Variants in VAV3 observed in about 807,000 individuals in gnomAD.
VAV3 encodes vav guanine nucleotide exchange factor 3.
Under a neutral mutation model 131.2 loss-of-function variants are expected in VAV3, and 94 were observed. That is an observed-to-expected ratio of 0.72 (90% CI 0.61 to 0.85). The LOEUF is 0.85. Ranked by LOEUF, VAV3 falls within the 40% of genes least tolerant of loss-of-function variation. The pLI is 0.00. For missense variants in VAV3, 939 were observed against 1,002.7 expected (o/e 0.94, Z 0.86); for synonymous variants, 349 against 342.0 (o/e 1.02, Z -0.22).
chr1:107,896,618 C>G (rs1409460100), intron 1 of VAV3, among the ~76,000 whole-genome samples: 2 of 152,122 alleles, frequency 1.3e-5, no homozygotes, highest in Admixed American at 1.3e-4. Context: ...AATCGCAACC[C>G]AAGCCTCATG....
intron 20 of VAV3, among the ~76,000 whole-genome samples, chr1:107,623,886 G>A (rs1302309827): frequency 6.6e-6 from 1 of 152,160 alleles, no homozygotes; most frequent in Non-Finnish European, 1.5e-5. Context: ...TAGTTCTCTT[G>A]TAAAGTGGCT....
At chr1:107,637,319 AT>A (rs561268548) in intron 20 of VAV3, among the ~76,000 whole-genome samples, 282 of 148,600 alleles carry the variant, frequency 1.9e-3, no homozygotes, top group African/African-American at 3.8e-3. Flanking sequence ...TTGTTTTATA[AT>A]TTTTTTTTTT....
intron 2 of VAV3, among the ~76,000 whole-genome samples, chr1:107,843,179 C>G (rs1423160100): frequency 6.6e-6 from 1 of 151,924 alleles, no homozygotes; most frequent in African/African-American, 2.4e-5. Context: ...GGCATTATAA[C>G]TGACAGCTCT....
chr1:107,843,537 G>GTATATATATATATT (rs1668823670), intron 2 of VAV3, among the ~76,000 whole-genome samples: 2 of 147,544 alleles, frequency 1.4e-5, no homozygotes, highest in South Asian at 4.2e-4. Flanking sequence ...GTGTGTGTGT[G>GTATATATATATATT]TATATATATA....
chr1:107,828,929 A>C (rs1039285959), intron 2 of VAV3, among the ~76,000 whole-genome samples: 10 of 152,196 alleles, frequency 6.6e-5, no homozygotes, highest in Non-Finnish European at 1.3e-4. Flanking sequence ...ACACCTGCAA[A>C]ATGAGAAGTC....
intron 25 of VAV3, among the ~76,000 whole-genome samples, chr1:107,583,797 GA>G (rs1486475235): frequency 6.6e-6 from 1 of 152,186 alleles, no homozygotes; most frequent in Non-Finnish European, 1.5e-5. Flanking sequence ...TCATGGGTAG[GA>G]AGAATCAATA....
At chr1:107,773,688 G>C (rs1212028322) in intron 4 of VAV3, among the ~76,000 whole-genome samples, 2 of 152,168 alleles carry the variant, frequency 1.3e-5, no homozygotes, top group African/African-American at 4.8e-5. Flanking sequence ...CAGGGAGATG[G>C]TGATCCATAT....
intron 2 of VAV3, among the ~76,000 whole-genome samples, chr1:107,871,067 C>T (rs983577708): frequency 3.3e-5 from 5 of 151,994 alleles, no homozygotes; most frequent in African/African-American, 4.8e-5. Context: ...CATAAACTGA[C>T]GATTGAAACA....
chr1:107,666,204 A>G (rs1657395656), intron 19 of VAV3, among the ~76,000 whole-genome samples: 1 of 152,212 alleles, frequency 6.6e-6, no homozygotes, highest in African/African-American at 2.4e-5. Flanking sequence ...CCAACCCACC[A>G]ATTGTCAAGA....
chr1:107,867,460 T>G (rs1360011444), intron 2 of VAV3, among the ~76,000 whole-genome samples: 1 of 152,152 alleles, frequency 6.6e-6, no homozygotes, highest in Non-Finnish European at 1.5e-5. Flanking sequence ...ACAGGTCAAC[T>G]CCATCCAAAA....
chr1:107,662,472 C>T (rs1185485652), intron 19 of VAV3, among the ~76,000 whole-genome samples: 2 of 151,876 alleles, frequency 1.3e-5, no homozygotes, highest in African/African-American at 4.8e-5. Flanking sequence ...ATCTCTCTCA[C>T]ACACACACAC....
At chr1:107,888,917 A>G (rs2101054229) in intron 1 of VAV3, among the ~76,000 whole-genome samples, 1 of 152,344 alleles carries the variant, frequency 6.6e-6, no homozygotes, top group Non-Finnish European at 1.5e-5. Flanking sequence ...CAAATTTTAC[A>G]TAAATTTAAA....
chr1:107,728,398 C>T (rs553567799), intron 15 of VAV3, among the ~76,000 whole-genome samples: 2 of 152,178 alleles, frequency 1.3e-5, no homozygotes, highest in East Asian at 3.9e-4. Flanking sequence ...TCTTCTGGGT[C>T]TGACTGGATA....
At position 107,600,118 on chromosome 1, in the gene VAV3, C is replaced by T. The variant is rs532775722; in HGVS notation, c.2220+2279G>A. On this transcript the variant is annotated intron_variant, in intron 24 of 26. Coordinates refer to ENST00000370056, the MANE Select transcript of VAV3 (RefSeq NM_006113.5). The stretch of plus-strand genomic sequence containing the variant: ...TCTATGGTGAGGTTCTTGGTGTAGA[C>T]GTATTTACTGATTCTTAAGCTTCTT... Among the ~76,000 whole-genome samples the T allele has an allele frequency of 1.3e-4, 20 of 152,002 alleles. No individual in the cohort carries two copies. In the East Asian group the frequency reaches 3.1e-3, roughly 24 times the overall value.
intron 5 of VAV3, among the ~76,000 whole-genome samples, chr1:107,770,970 ATC>A (rs1305225005): frequency 6.6e-6 from 1 of 152,216 alleles, no homozygotes; most frequent in African/African-American, 2.4e-5. Context: ...ACTCTAAAAT[ATC>A]TCTTACTAAA....
chr1:107,587,588 T>C (rs1158948262), intron 25 of VAV3, among the ~76,000 whole-genome samples: 1 of 152,310 alleles, frequency 6.6e-6, no homozygotes, highest in East Asian at 1.9e-4. Context: ...TATGCATGTA[T>C]CTATGTATGT....
intron 17 of VAV3, among the ~76,000 whole-genome samples, chr1:107,698,855 C>A (rs1361671106): frequency 6.6e-6 from 1 of 152,154 alleles, no homozygotes; most frequent in Admixed American, 6.5e-5. Context: ...GCAGGGAAAA[C>A]TGCCTTATAA....
Position 107,709,937 on chromosome 1 carries a change from A to C in VAV3, c.1503-4876T>G, listed in dbSNP as rs145059409. On this transcript the variant is annotated intron_variant, in intron 15 of 26. Coordinates refer to ENST00000370056, the MANE Select transcript of VAV3 (RefSeq NM_006113.5). The stretch of plus-strand genomic sequence containing the variant: ...AGCAGTGTGAGAACAGACGAATACA[A>C]TATTTTTACAAAAAACTATAATCGT... Among the ~76,000 whole-genome samples the C allele has an allele frequency of 2.0e-3, 308 of 152,362 alleles. 1 individual carries two copies. Among genetic ancestry groups the C allele is most frequent in the African/African-American group, 7.0e-3 (293 of 41,590 alleles).
At chr1:107,582,559 C>A (rs978903159) in intron 25 of VAV3, among the ~76,000 whole-genome samples, 4 of 115,378 alleles carry the variant, frequency 3.5e-5, no homozygotes, top group African/African-American at 1.3e-4. Flanking sequence ...CTATCCCTCC[C>A]CCCTCCCCCC....
Sources: gnomAD v4.1 joint callset for allele counts (sites outside exome capture counted in the v4.1 genomes callset) on GRCh38, gnomAD v4.1.1 for gene constraint, MANE v1.5 for transcripts, NCBI Gene and HGNC (gene_info 2026-07-23, HGNC 2026-07-21) for gene names.